Variants in LRRC4C observed in about 807,000 individuals in gnomAD.
LRRC4C encodes leucine-rich repeat-containing protein 4C.
A neutral mutation model predicts 33.6 loss-of-function variants in LRRC4C; 5 were observed. The ratio of observed to expected loss-of-function variants is 0.15; its 90% CI spans 0.08 to 0.31. The LOEUF is 0.31. Among genes scored for constraint, LRRC4C ranks in the 10% least tolerant of loss-of-function variants. The pLI is 1.00. For missense variants in LRRC4C, 560 were observed against 796.7 expected (o/e 0.70, Z 3.58); for synonymous variants, 329 against 302.0 (o/e 1.09, Z -0.93).
chr11:41,045,955 A>T (rs1857748352), intron 1 of LRRC4C, among the ~76,000 whole-genome samples: 1 of 152,172 alleles, frequency 6.6e-6, no homozygotes, highest in Non-Finnish European at 1.5e-5. Flanking sequence ...ACACAATTCC[A>T]TGTGCATTTC....
chr11:41,209,644 C>T (rs1167392283), intron 1 of LRRC4C, among the ~76,000 whole-genome samples: 1 of 115,656 alleles, frequency 8.6e-6, no homozygotes, highest in Non-Finnish European at 1.9e-5. Context: ...GACTCTGTCT[C>T]AAAAAAAAAA....
chr11:40,242,341 A>T (rs1590799765), intron 4 of LRRC4C, among the ~76,000 whole-genome samples: 1 of 152,134 alleles, frequency 6.6e-6, no homozygotes, highest in African/African-American at 2.4e-5. Context: ...TCATTCTTGT[A>T]TGGGACAGTA....
chr11:40,813,942 C>A (rs950926131), intron 2 of LRRC4C, among the ~76,000 whole-genome samples: 5 of 152,230 alleles, frequency 3.3e-5, no homozygotes, highest in African/African-American at 1.2e-4. Flanking sequence ...TCACCCATGA[C>A]TTTGGACAGA....
chr11:40,971,211 C>A (rs184180238), intron 1 of LRRC4C, among the ~76,000 whole-genome samples: 27 of 152,284 alleles, frequency 1.8e-4, no homozygotes, highest in African/African-American at 6.5e-4. Context: ...CAGAGAACTT[C>A]GCAGCCCCTT....
intron 1 of LRRC4C, among the ~76,000 whole-genome samples, chr11:41,306,007 CT>C (rs1430599916): frequency 4.1e-5 from 6 of 145,144 alleles, no homozygotes; most frequent in African/African-American, 1.5e-4. Flanking sequence ...CCTGGGCCCC[CT>C]TATTTCTTTC....
intron 1 of LRRC4C, among the ~76,000 whole-genome samples, chr11:41,034,453 CACACCATA>C (rs1419318351): frequency 2.1e-4 from 30 of 146,096 alleles, no homozygotes; most frequent in African/African-American, 7.4e-4. Context: ...CACACACACA[CACACCATA>C]TATATATATG....
chr11:41,179,472 A>G (rs1190160140), intron 1 of LRRC4C, among the ~76,000 whole-genome samples: 1 of 152,188 alleles, frequency 6.6e-6, no homozygotes, highest in Non-Finnish European at 1.5e-5. Flanking sequence ...TGCCTTCAGT[A>G]GTTTTCTGAC....
At chr11:40,485,537 T>C (rs1354145613) in intron 3 of LRRC4C, among the ~76,000 whole-genome samples, 1 of 152,020 alleles carries the variant, frequency 6.6e-6, no homozygotes, top group Non-Finnish European at 1.5e-5. Context: ...AAAAGATGGA[T>C]GCTAAAACCA....
At chr11:40,442,278 T>A (rs1228756290) in intron 3 of LRRC4C, among the ~76,000 whole-genome samples, 4 of 151,930 alleles carry the variant, frequency 2.6e-5, no homozygotes. Flanking sequence ...TGAATTTGAC[T>A]TGTGTCACAA....
chr11:41,268,950 A>C (rs1223579156), intron 1 of LRRC4C, among the ~76,000 whole-genome samples: 1 of 152,116 alleles, frequency 6.6e-6, no homozygotes, highest in Non-Finnish European at 1.5e-5. Flanking sequence ...ATCTTTTCTC[A>C]ACTAAGTGTG....
intron 1 of LRRC4C, among the ~76,000 whole-genome samples, chr11:41,153,160 A>T (rs1283129684): frequency 6.6e-6 from 1 of 152,110 alleles, no homozygotes; most frequent in Non-Finnish European, 1.5e-5. Context: ...TGCCTTATGA[A>T]GTCTCTACTC....
At chr11:40,499,616 T>C (rs892016431) in intron 3 of LRRC4C, among the ~76,000 whole-genome samples, 2 of 152,152 alleles carry the variant, frequency 1.3e-5, no homozygotes, top group East Asian at 1.9e-4. Flanking sequence ...GTATTGATGA[T>C]TATGGAGATA....
At chr11:40,318,192 C>T (rs1487160070) in intron 4 of LRRC4C, among the ~76,000 whole-genome samples, 3 of 151,990 alleles carry the variant, frequency 2.0e-5, no homozygotes, top group African/African-American at 7.2e-5. Context: ...ATTAATTATT[C>T]CTTGTAATAT....
intron 2 of LRRC4C, among the ~76,000 whole-genome samples, chr11:40,823,392 G>A (rs1366292147): frequency 6.6e-6 from 1 of 151,406 alleles, no homozygotes; most frequent in Admixed American, 6.6e-5. Flanking sequence ...TTCCAAGGGT[G>A]GGAGAAAAGT....
At chr11:40,869,653 A>G (rs1313741293) in intron 2 of LRRC4C, among the ~76,000 whole-genome samples, 6 of 152,090 alleles carry the variant, frequency 3.9e-5, no homozygotes, top group Admixed American at 1.3e-4. Context: ...GTCAGTAAAC[A>G]CATGTGCTCA....
intron 3 of LRRC4C, among the ~76,000 whole-genome samples, chr11:40,359,238 A>C (rs1308372972): frequency 6.6e-6 from 1 of 152,202 alleles, no homozygotes; most frequent in Admixed American, 6.5e-5. Flanking sequence ...TTAGAATAGC[A>C]AGCTATGAAT....
intron 1 of LRRC4C, among the ~76,000 whole-genome samples, chr11:41,241,463 T>C (rs1215983922): frequency 6.6e-6 from 1 of 152,058 alleles, no homozygotes; most frequent in East Asian, 1.9e-4. Context: ...TATGAGATTG[T>C]AGGAGGAAGT....
intron 3 of LRRC4C, among the ~76,000 whole-genome samples, chr11:40,575,282 C>A (rs910066240): frequency 6.6e-6 from 1 of 152,020 alleles, no homozygotes; most frequent in African/African-American, 2.4e-5. Context: ...TGCCTACATT[C>A]TCATTTTCTT....
chr11:40,205,541 G>A (rs1388555719), intron 5 of LRRC4C, among the ~76,000 whole-genome samples: 6 of 151,984 alleles, frequency 3.9e-5, no homozygotes, highest in Admixed American at 3.9e-4. Flanking sequence ...CATAACATTA[G>A]TTTTATTTTA....
Sources: allele counts gnomAD v4.1 joint callset (sites outside exome capture counted in the v4.1 genomes callset), GRCh38; gene constraint gnomAD v4.1.1; transcripts MANE v1.5; gene names NCBI Gene and HGNC (gene_info 2026-07-23, HGNC 2026-07-21).